The following PTPRN2 variants were observed in gnomAD, a reference collection of about 807,000 sequenced individuals.
PTPRN2 encodes receptor-type tyrosine-protein phosphatase N2.
In PTPRN2, 74 loss-of-function variants were observed where a neutral mutation model predicts 118.8. The ratio of observed to expected loss-of-function variants is 0.62; its 90% CI spans 0.52 to 0.76. PTPRN2 has a LOEUF of 0.76. PTPRN2 is among the 30% of genes least tolerant of loss of function. PTPRN2 has a pLI of 0.00. For missense variants in PTPRN2, 1,481 were observed against 1,394.4 expected, an observed-to-expected ratio of 1.06 and a Z score of -0.99; for synonymous variants, 641 against 608.0, an observed-to-expected ratio of 1.05 and a Z score of -0.80.
intron 13 of PTPRN2, among the ~76,000 whole-genome samples, chr7:157,662,622 G>A (rs1385007704): frequency 6.6e-6 from 1 of 152,228 alleles, no homozygotes; most frequent in Non-Finnish European, 1.5e-5. Context: ...CACCTGCAGA[G>A]ATGGGGAGGT....
intron 14 of PTPRN2, among the ~76,000 whole-genome samples, chr7:157,642,390 A>T (rs1157795537): frequency 6.6e-6 from 1 of 152,266 alleles, no homozygotes; most frequent in Non-Finnish European, 1.5e-5. Flanking sequence ...ATTTACACAA[A>T]GAATCAGATA....
At chr7:157,767,639 C>T (rs779100312) in intron 12 of PTPRN2, among the ~76,000 whole-genome samples, 2 of 152,168 alleles carry the variant, frequency 1.3e-5, no homozygotes, top group Non-Finnish European at 2.9e-5. Flanking sequence ...GGCCAGTCTG[C>T]CTTCCGTGGT....
At chr7:158,352,025 C>G (rs867167210) in intron 2 of PTPRN2, among the ~76,000 whole-genome samples, 7 of 129,694 alleles carry the variant, frequency 5.4e-5, no homozygotes, top group African/African-American at 2.1e-4. Context: ...CTGACCGCTC[C>G]CCTCCTGTCC....
At position 158,459,871 on chromosome 7, in the gene PTPRN2, G is replaced by A. The variant is rs112708364; in HGVS notation, c.163+29864C>T. On this transcript the variant is annotated intron_variant, in intron 2 of 22. Transcript: ENST00000389418. ...GGACTCTATCTACAAGTTCCTGCTAGAGGGTCTGTGTGCCGAGAGCACAGG... is the reference window on the plus strand; with the variant it reads ...GGACTCTATCTACAAGTTCCTGCTAAAGGGTCTGTGTGCCGAGAGCACAGG... 6.5e-5 allele frequency among the ~76,000 whole-genome samples: 4 copies of A among 61,914 alleles called. 1 individual carries two copies. In the Middle Eastern group the frequency reaches 0.031, roughly 474 times the overall value. 40.6% of individuals were successfully genotyped at this position (61,914 alleles called of 152,430 possible).
intron 1 of PTPRN2, among the ~76,000 whole-genome samples, chr7:158,556,015 G>T (rs1173129873): frequency 1.3e-5 from 2 of 152,114 alleles, no homozygotes; most frequent in East Asian, 3.8e-4. Context: ...TCAACAGATG[G>T]TTGTCATAGA....
At chr7:158,540,502 C>A (rs1369030723) in intron 1 of PTPRN2, among the ~76,000 whole-genome samples, 1 of 152,100 alleles carries the variant, frequency 6.6e-6, no homozygotes, top group Non-Finnish European at 1.5e-5. Context: ...GCTGGGCCCC[C>A]CACCTGTGCT....
intron 12 of PTPRN2, among the ~76,000 whole-genome samples, chr7:157,799,080 G>A (rs927359396): frequency 6.6e-6 from 1 of 152,190 alleles, no homozygotes; most frequent in African/African-American, 2.4e-5. Context: ...AAGCCCTTCA[G>A]ACATGACAAC....
chr7:158,490,513 G>C (rs1039802017), intron 1 of PTPRN2, among the ~76,000 whole-genome samples: 9 of 152,230 alleles, frequency 5.9e-5, no homozygotes, highest in Admixed American at 2.6e-4. Flanking sequence ...AAAGGTTGGC[G>C]TTCGGCTCCA....
intron 11 of PTPRN2, among the ~76,000 whole-genome samples, chr7:158,033,223 C>T (rs577526015): frequency 2.4e-4 from 28 of 118,590 alleles, no homozygotes; most frequent in Admixed American, 6.9e-4. Flanking sequence ...CCTGATGGAG[C>T]CATCAGGGCC....
chr7:158,023,948 A>C (rs560767220), intron 11 of PTPRN2, among the ~76,000 whole-genome samples: 1 of 151,824 alleles, frequency 6.6e-6, no homozygotes, highest in East Asian at 1.9e-4. Flanking sequence ...GCAGACACAC[A>C]TGCCGGCACA....
At position 158,167,099 on chromosome 7, in the gene PTPRN2, C is replaced by T. The variant is rs1410772271; in HGVS notation, c.742G>A (p.Ala248Thr). Residue 248 changes from alanine to threonine, a missense_variant, in exon 6 of 23, where the codon GCC becomes ACC. Physicochemically the swap from Ala to Thr is moderately conservative, Grantham distance 58. Around this residue, in one of 3 missense-constraint regions of PTPRN2, gnomAD observed 1,115 missense variants for 994.2 expected, o/e 1.12. Transcript: ENST00000389418. Reference sequence around the variant, plus strand: ...GCTGGGGGCCTCTGGGCAGCATAGGCACTGAGGGCCGCCATCAGATGGTGT... The same window carrying T: ...GCTGGGGGCCTCTGGGCAGCATAGGTACTGAGGGCCGCCATCAGATGGTGT... ...DRHHLMAALS[A>T]YAAQRPPAPP... 4.3e-6 allele frequency: 7 copies of T among 1,612,450 alleles called. No homozygotes were observed. Among genetic ancestry groups the T allele is most frequent in the Admixed American group, 1.7e-5 (1 of 59,864 alleles).
intron 2 of PTPRN2, among the ~76,000 whole-genome samples, chr7:158,333,730 T>C (rs1804977398): frequency 6.8e-6 from 1 of 146,312 alleles, no homozygotes; most frequent in East Asian, 2.1e-4. Flanking sequence ...CAGAGGTCAC[T>C]CACACACATA....
rs532722096 is a variant in PTPRN2, at chr7:157,642,690, T to C, written c.2196+13667A>G. Among the ~76,000 whole-genome samples, 3 of 152,144 alleles carry C rather than the reference T, an allele frequency of 2.0e-5. No homozygotes were observed. The Middle Eastern group carries it at 0.01, about 517-fold the overall frequency. ...CGTTAATTCGTGGACCTGTTAACTT[T>C]TACCAAGTTTAATGTTTGGTTACCC... On this transcript the variant is annotated intron_variant, in intron 14 of 22. Coordinates refer to ENST00000389418, the MANE Select transcript of PTPRN2 (RefSeq NM_002847.5).
intron 12 of PTPRN2, among the ~76,000 whole-genome samples, chr7:157,745,096 C>A (rs897445442): frequency 6.6e-6 from 1 of 152,296 alleles, no homozygotes; most frequent in East Asian, 1.9e-4. Context: ...TCCCCTTGCA[C>A]GGAGCTAAGA....
intron 3 of PTPRN2, among the ~76,000 whole-genome samples, chr7:158,280,214 C>T (rs748746344): frequency 6.6e-6 from 1 of 152,228 alleles, no homozygotes; most frequent in Non-Finnish European, 1.5e-5. Flanking sequence ...AGCCTTCAAG[C>T]ACATCTGGTT....
chr7:158,315,172 G>A (rs111913687), intron 3 of PTPRN2, among the ~76,000 whole-genome samples: 18 of 112,604 alleles, frequency 1.6e-4, no homozygotes, highest in Middle Eastern at 5.8e-3. Flanking sequence ...AGGTGAACCC[G>A]GGACCCCCTG....
intron 3 of PTPRN2, among the ~76,000 whole-genome samples, chr7:158,303,904 A>G (rs1418431768): frequency 1.3e-5 from 2 of 152,274 alleles, no homozygotes; most frequent in African/African-American, 4.8e-5. Context: ...TCTGAGCCAC[A>G]TGTGGGTGAC....
At chr7:158,222,815 A>C (rs1828471555) in intron 3 of PTPRN2, among the ~76,000 whole-genome samples, 1 of 152,228 alleles carries the variant, frequency 6.6e-6, no homozygotes, top group Admixed American at 6.5e-5. Flanking sequence ...AAGTAGAAGA[A>C]AATAAATAAT....
At chr7:157,904,461 C>T (rs1797647111) in intron 11 of PTPRN2, among the ~76,000 whole-genome samples, 1 of 152,208 alleles carries the variant, frequency 6.6e-6, no homozygotes, top group South Asian at 2.1e-4. Context: ...TGCCAGCTCA[C>T]GTCAAGAAAC....
Sources: gnomAD v4.1 joint callset for allele counts (sites outside exome capture counted in the v4.1 genomes callset) on GRCh38, gnomAD v4.1.1 for gene constraint, gnomAD v4.1.1 regional missense constraint, MANE v1.5 for transcripts, NCBI Gene and HGNC (gene_info 2026-07-23, HGNC 2026-07-21) for gene names.